Variants in PLCB1 observed in about 807,000 individuals in gnomAD.
PLCB1 encodes the protein phospholipase C beta 1, also known as 1-phosphatidylinositol 4,5-bisphosphate phosphodiesterase beta-1.
PLCB1 carries 46 observed loss-of-function variants against 161.8 expected under a neutral mutation model. The observed-to-expected ratio is 0.28, with a 90% CI of 0.22 to 0.36. The LOEUF (loss-of-function observed/expected upper bound fraction) is 0.36. Ranked by LOEUF, PLCB1 falls within the 10% of genes least tolerant of loss-of-function variation. The pLI, the probability that PLCB1 is intolerant of heterozygous loss-of-function variation, is 1.00. For missense variants in PLCB1, 1,016 were observed against 1,472.5 expected (o/e 0.69, Z 5.07); for synonymous variants, 517 against 503.7 (o/e 1.03, Z -0.35).
chr20:8,367,334 C>T (rs889428571), intron 2 of PLCB1, among the ~76,000 whole-genome samples: 5 of 152,156 alleles, frequency 3.3e-5, no homozygotes, highest in South Asian at 2.1e-4. Flanking sequence ...GGACCAGCAA[C>T]GTCAGCATCA....
chr20:8,244,513 A>G (rs1980777698), intron 2 of PLCB1, among the ~76,000 whole-genome samples: 1 of 151,932 alleles, frequency 6.6e-6, no homozygotes, highest in Non-Finnish European at 1.5e-5. Flanking sequence ...TGTATATGAA[A>G]TTCAAGAAAG....
At chr20:8,737,479 G>A (rs1465113206) in intron 20 of PLCB1, among the ~76,000 whole-genome samples, 1 of 152,148 alleles carries the variant, frequency 6.6e-6, no homozygotes, top group African/African-American at 2.4e-5. Flanking sequence ...AATGATAAAT[G>A]ATACATTTTA....
intron 2 of PLCB1, among the ~76,000 whole-genome samples, chr20:8,350,064 T>C (rs1268086274): frequency 2.6e-5 from 4 of 152,168 alleles, no homozygotes; most frequent in Non-Finnish European, 4.4e-5. Flanking sequence ...AAATGAACAA[T>C]TGGAACTTGA....
At chr20:8,522,399 G>C (rs1476847570) in intron 3 of PLCB1, among the ~76,000 whole-genome samples, 1 of 152,028 alleles carries the variant, frequency 6.6e-6, no homozygotes, top group East Asian at 1.9e-4. Context: ...CTGTGGTTAC[G>C]CTAACAATTT....
chr20:8,865,606 AAC>A (rs1181734654), intron 31 of PLCB1, among the ~76,000 whole-genome samples: 1 of 152,154 alleles, frequency 6.6e-6, no homozygotes, highest in Admixed American at 6.5e-5. Context: ...CCAGTTGATG[AAC>A]AGTTTATCTC....
intron 11 of PLCB1, among the ~76,000 whole-genome samples, chr20:8,698,177 T>C (rs1020189551): frequency 6.6e-6 from 1 of 152,158 alleles, no homozygotes; most frequent in African/African-American, 2.4e-5. Flanking sequence ...AAATAGAAAC[T>C]TGGGGAGTAC....
At chr20:8,194,256 T>G (rs1380094554) in intron 2 of PLCB1, among the ~76,000 whole-genome samples, 2 of 152,002 alleles carry the variant, frequency 1.3e-5, no homozygotes, top group African/African-American at 4.8e-5. Context: ...GCTTGTGACT[T>G]TACTTCAAAT....
intron 31 of PLCB1, among the ~76,000 whole-genome samples, chr20:8,833,160 A>G (rs1313217729): frequency 3.9e-5 from 6 of 152,350 alleles, no homozygotes; most frequent in Non-Finnish European, 2.9e-5. Context: ...CATGCTGCCA[A>G]TAAAGACATC....
chr20:8,630,593 A>T (rs575503641), intron 4 of PLCB1, among the ~76,000 whole-genome samples: 1 of 152,314 alleles, frequency 6.6e-6, no homozygotes, highest in East Asian at 1.9e-4. Flanking sequence ...GCTGTATATG[A>T]ATGGATAGTT....
intron 31 of PLCB1, among the ~76,000 whole-genome samples, chr20:8,861,747 A>G (rs76950410): frequency 6.6e-6 from 1 of 151,374 alleles, no homozygotes; most frequent in Non-Finnish European, 1.5e-5. Flanking sequence ...AAAAAAAAAA[A>G]AGAGATCAAC....
At chr20:8,320,533 T>C (rs1984863677) in intron 2 of PLCB1, among the ~76,000 whole-genome samples, 1 of 152,182 alleles carries the variant, frequency 6.6e-6, no homozygotes. Context: ...TAAACCCCTA[T>C]TCTACAGCTG....
chr20:8,680,081 G>T (rs375326884), intron 9 of PLCB1, among the ~76,000 whole-genome samples: 2 of 152,138 alleles, frequency 1.3e-5, no homozygotes, highest in Admixed American at 1.3e-4. Context: ...TGGATTTCTT[G>T]TGCTGTTACT....
chr20:8,391,820 TATATACACACAC>T (rs1987611405), intron 3 of PLCB1, among the ~76,000 whole-genome samples: 2 of 111,872 alleles, frequency 1.8e-5, no homozygotes, highest in African/African-American at 3.4e-5. Flanking sequence ...TATATATATA[TATATACACACAC>T]ATATATATAT....
intron 12 of PLCB1, 161 bp from the exon 13 acceptor site, chr20:8,716,103 T>A (rs186513224): frequency 3.2e-6 from 2 of 622,602 alleles, no homozygotes; most frequent in Admixed American, 5.5e-5. Flanking sequence ...GTTATTCAAA[T>A]TCACATAAGT....
chr20:8,540,705 A>T (rs1440815009), intron 3 of PLCB1, among the ~76,000 whole-genome samples: 1 of 151,122 alleles, frequency 6.6e-6, no homozygotes, highest in Admixed American at 6.6e-5. Context: ...GAGAGACAGG[A>T]TTAAGGTTAT....
At chr20:8,672,545 AT>A (rs1989973144) in intron 9 of PLCB1, among the ~76,000 whole-genome samples, 1 of 151,780 alleles carries the variant, frequency 6.6e-6, no homozygotes, top group Admixed American at 6.6e-5. Context: ...TAGTTCTTTG[AT>A]GCCATGATGT....
intron 2 of PLCB1, among the ~76,000 whole-genome samples, chr20:8,211,844 A>G (rs1420668378): frequency 2.0e-5 from 3 of 152,138 alleles, no homozygotes; most frequent in East Asian, 3.9e-4. Flanking sequence ...TTCATTATCT[A>G]TAAATCTTTC....
intron 31 of PLCB1, among the ~76,000 whole-genome samples, chr20:8,853,370 C>A (rs1165591980): frequency 6.6e-6 from 1 of 152,172 alleles, no homozygotes; most frequent in African/African-American, 2.4e-5. Flanking sequence ...CGTGCTCCAA[C>A]CCAGTCAGTA....
chr20:8,296,434 A>G (rs1283202060), intron 2 of PLCB1, among the ~76,000 whole-genome samples: 4 of 152,170 alleles, frequency 2.6e-5, no homozygotes, highest in Non-Finnish European at 5.9e-5. Context: ...GGACAAGTAT[A>G]TGCCCTCCAA....
Sources: allele counts gnomAD v4.1 joint callset (sites outside exome capture counted in the v4.1 genomes callset), GRCh38; gene constraint gnomAD v4.1.1; transcripts MANE v1.5; gene names NCBI Gene and HGNC (gene_info 2026-07-23, HGNC 2026-07-21).